The following ARHGEF10L variants were observed in gnomAD, a reference collection of about 807,000 sequenced individuals.
ARHGEF10L encodes the protein rho guanine nucleotide exchange factor 10-like protein.
A neutral mutation model predicts 141.2 loss-of-function variants in ARHGEF10L; 69 were observed. That is an observed-to-expected ratio of 0.49 (90% CI 0.40 to 0.60). ARHGEF10L has a LOEUF of 0.60. Ranked by LOEUF, ARHGEF10L falls within the 20% of genes least tolerant of loss-of-function variation. The pLI is 0.00. For synonymous variants in ARHGEF10L, 711 were observed against 718.5 expected, an observed-to-expected ratio of 0.99 and a Z score of 0.17; for missense variants, 1,482 against 1,734.3, an observed-to-expected ratio of 0.85 and a Z score of 2.58.
intron 16 of ARHGEF10L, among the ~76,000 whole-genome samples, chr1:17,633,796 G>A (rs1373563544): frequency 6.6e-6 from 1 of 152,188 alleles, no homozygotes; most frequent in East Asian, 1.9e-4. Context: ...GCCCTGTACC[G>A]AGTCAGCTTG....
At position 17,607,063 on chromosome 1, in the gene ARHGEF10L, A is replaced by G. The variant is rs2081248421; in HGVS notation, c.434-739A>G. Among the ~76,000 whole-genome samples the G allele has an allele frequency of 2.0e-5, 3 of 152,222 alleles. No homozygotes were observed. Among genetic ancestry groups the G allele is most frequent in the Admixed American group, 2.0e-4 (3 of 15,288 alleles). ...AAGATCCCAGGCTGCACGTGAAGTCAGATTTGGGGTGAGGAGCCCTGAGGC... is the reference window on the plus strand; with the variant it reads ...AAGATCCCAGGCTGCACGTGAAGTCGGATTTGGGGTGAGGAGCCCTGAGGC... On this transcript the variant is annotated intron_variant, in intron 6 of 28. Coordinates refer to ENST00000361221, the MANE Select transcript of ARHGEF10L (RefSeq NM_018125.4). This position sits in a 1 kb window ranked among gnomAD's most constrained non-coding sequence, Gnocchi z 4.5.
At chr1:17,617,729 T>C (rs1290286688) in intron 9 of ARHGEF10L, among the ~76,000 whole-genome samples, 1 of 152,180 alleles carries the variant, frequency 6.6e-6, no homozygotes, top group East Asian at 1.9e-4. Context: ...TGCCTCAGTT[T>C]CCTCATCCGT....
intron 1 of ARHGEF10L, among the ~76,000 whole-genome samples, chr1:17,564,108 C>T (rs2077652084): frequency 6.6e-6 from 1 of 152,182 alleles, no homozygotes; most frequent in African/African-American, 2.4e-5. Flanking sequence ...CGGGAGGGTG[C>T]TGGCTCTGGC....
chr1:17,561,610 G>A (rs552518377), intron 1 of ARHGEF10L, among the ~76,000 whole-genome samples: 52 of 152,316 alleles, frequency 3.4e-4, no homozygotes, highest in African/African-American at 1.1e-3. Context: ...AGGCCCACCC[G>A]ATCCCGATGC....
chr1:17,564,419 TCTC>T (rs1214217359), intron 1 of ARHGEF10L, among the ~76,000 whole-genome samples: 1 of 152,100 alleles, frequency 6.6e-6, no homozygotes, highest in Admixed American at 6.5e-5. Flanking sequence ...TCCCCCAAGT[TCTC>T]CTCCTGATGT....
At chr1:17,648,411 C>A (rs74537414) in intron 21 of ARHGEF10L, 143 bp from the exon 22 acceptor site, 3 of 1,042,294 alleles carry the variant, frequency 2.9e-6, no homozygotes, top group Non-Finnish European at 2.7e-6. Flanking sequence ...CATCTCAGTC[C>A]GGCAGGAGTA....
chr1:17,692,278 C>T (rs1558050983), intron 27 of ARHGEF10L, among the ~76,000 whole-genome samples: 1 of 152,102 alleles, frequency 6.6e-6, no homozygotes, highest in East Asian at 1.9e-4. Flanking sequence ...TGCATTTCCA[C>T]ATTGCAGGGA....
intron 3 of ARHGEF10L, 113 bp downstream of exon 3, chr1:17,587,758 C>A: frequency 8.1e-7 from 1 of 1,233,698 alleles, no homozygotes; most frequent in Non-Finnish European, 1.1e-6. Flanking sequence ...CCCCAGAAAG[C>A]AGGAAGGGAA....
intron 1 of ARHGEF10L, among the ~76,000 whole-genome samples, chr1:17,557,437 T>A (rs1260804232): frequency 6.6e-6 from 1 of 152,160 alleles, no homozygotes; most frequent in Non-Finnish European, 1.5e-5. Flanking sequence ...CTGTGTTGGA[T>A]GCCCTCACCT....
rs1004372715 is a variant in ARHGEF10L, at chr1:17,543,525, G to A, written c.-44+3575G>A. Among the ~76,000 whole-genome samples the A allele has an allele frequency of 2.0e-5, 3 of 152,040 alleles. No homozygotes were observed. In the East Asian group the frequency reaches 5.8e-4, roughly 30 times the overall value. On this transcript the variant is annotated intron_variant, in intron 1 of 28. Coordinates refer to ENST00000361221, the MANE Select transcript of ARHGEF10L (RefSeq NM_018125.4). ...TGGAACCCAGGAGGCGGAGGTTGCA[G>A]TGAGCCGAGGTTGTGCCATTGTACT...
In ARHGEF10L at chr1:17,602,176, G is replaced by A. The variant is rs199833052; in HGVS notation, c.307G>A (p.Gly103Arg). The change falls in exon 5 of 29, where the codon GGG becomes AGG. Residue 103 changes from glycine to arginine, a missense_variant. Physicochemically the swap from Gly to Arg is moderately radical, Grantham distance 125. This residue lies in a region of ARHGEF10L where 232 missense variants were observed against 225.9 expected (regional missense o/e 1.03). Coordinates refer to ENST00000361221, the MANE Select transcript of ARHGEF10L (RefSeq NM_018125.4). ...GGATGCAGCGGACGCAGCCTTCTCC[G>A]GGGCCCGGCACTCCAGCTGGAAGCG... is the stretch of plus-strand genomic sequence containing the variant. ...NGDAADAAFS[G>R]ARHSSWKRKS... The A allele has an allele frequency of 1.8e-5, 29 of 1,582,778 alleles. No homozygotes were observed. The highest frequency in any genetic ancestry group is 9.4e-5 in the African/African-American group (7 of 74,254).
At chr1:17,549,205 T>C (rs964455911) in intron 1 of ARHGEF10L, among the ~76,000 whole-genome samples, 7 of 151,302 alleles carry the variant, frequency 4.6e-5, no homozygotes, top group African/African-American at 1.7e-4. Flanking sequence ...GTATTTTTAG[T>C]AGAGATGGGG....
At chr1:17,557,421 C>G (rs768943454) in intron 1 of ARHGEF10L, among the ~76,000 whole-genome samples, 1 of 152,064 alleles carries the variant, frequency 6.6e-6, no homozygotes, top group African/African-American at 2.4e-5. Context: ...GGGTTGGTGA[C>G]GGGCTCTGTG....
intron 19 of ARHGEF10L, 137 bp from the exon 20 acceptor site, chr1:17,638,425 A>G (rs1571160412): frequency 1.5e-6 from 2 of 1,309,364 alleles, no homozygotes; most frequent in East Asian, 4.8e-5. Context: ...CGTGGGGCTA[A>G]ATGTGCAGCC....
chr1:17,531,157 C>T, the ARHGEF10L span, among the ~76,000 whole-genome samples: 43 of 152,200 alleles, frequency 2.8e-4, no homozygotes, highest in Non-Finnish European at 5.3e-4. Context: ...GGGGCATCAT[C>T]AGCACAGGTG....
At position 17,638,624 on chromosome 1, in the gene ARHGEF10L, G is replaced by A; in HGVS notation, c.2106G>A (p.Lys702=). The A allele has an allele frequency of 6.2e-6, 10 of 1,614,174 alleles. No individual in the cohort carries two copies. Among genetic ancestry groups the A allele is most frequent in the Non-Finnish European group, 8.5e-6 (10 of 1,180,038 alleles). ...CCCTGCAGAGGCTGATGCGGGTGAA[G>A]GAGGAAGAGATCCACTCGGCCAACA... ...CLALQRLMRV[K]EEEIHSANKC... is the part of the protein sequence containing the mutation. Residue 702 remains lysine (K), a synonymous_variant, in exon 20 of 29, where the codon AAG becomes AAA. Coordinates refer to ENST00000361221, the MANE Select transcript of ARHGEF10L (RefSeq NM_018125.4).
At chr1:17,539,678 G>C (rs1011720779), upstream of ARHGEF10L, among the ~76,000 whole-genome samples, 1 of 146,982 alleles carries the variant, frequency 6.8e-6, no homozygotes, top group Non-Finnish European at 1.5e-5. The surrounding 1 kb of genome is among the most constrained non-coding windows in gnomAD (Gnocchi z 6.0). Context: ...CCCCGGGACC[G>C]GGCGGGCGGG....
At chr1:17,678,568 C>G (rs971292052) in intron 26 of ARHGEF10L, among the ~76,000 whole-genome samples, 1 of 151,910 alleles carries the variant, frequency 6.6e-6, no homozygotes. Flanking sequence ...TACAGGCATG[C>G]GCCACCACCC....
intron 1 of ARHGEF10L, among the ~76,000 whole-genome samples, chr1:17,559,571 G>A (rs1453877025): frequency 6.6e-6 from 1 of 152,198 alleles, no homozygotes; most frequent in African/African-American, 2.4e-5. Context: ...GATTGAGGTA[G>A]GAAAACTCTA....
Sources: allele counts gnomAD v4.1 joint callset (sites outside exome capture counted in the v4.1 genomes callset), GRCh38; gene constraint gnomAD v4.1.1; regional missense constraint gnomAD v4.1.1; non-coding constraint Gnocchi (gnomAD v3.1); transcripts MANE v1.5; gene names NCBI Gene and HGNC (gene_info 2026-07-23, HGNC 2026-07-21).